CACNA1D: variants seen among roughly 807,000 people sequenced by gnomAD.
CACNA1D encodes voltage-dependent L-type calcium channel subunit alpha-1D.
A neutral mutation model predicts 257.1 loss-of-function variants in CACNA1D; 55 were observed. The ratio of observed to expected loss-of-function variants is 0.21; its 90% CI spans 0.17 to 0.27. The LOEUF (loss-of-function observed/expected upper bound fraction) is 0.27. CACNA1D is among the 10% of genes least tolerant of loss of function. The probability of loss-of-function intolerance (pLI) is 1.00; values close to 1 mark genes in which losing one functional copy is unlikely to be tolerated. For missense variants in CACNA1D, 1,876 were observed against 2,784.0 expected, an observed-to-expected ratio of 0.67 and a Z score of 7.34; for synonymous variants, 980 against 1,014.9, an observed-to-expected ratio of 0.97 and a Z score of 0.65.
intron 9 of CACNA1D, among the ~76,000 whole-genome samples, chr3:53,711,281 G>A (rs2094752267): frequency 6.6e-6 from 1 of 152,174 alleles, no homozygotes; most frequent in Non-Finnish European, 1.5e-5. Context: ...TAGACTTCAG[G>A]GATGCAAAGA....
chr3:53,684,753 A>G (rs2094460680), intron 8 of CACNA1D, among the ~76,000 whole-genome samples: 1 of 152,174 alleles, frequency 6.6e-6, no homozygotes, highest in Non-Finnish European at 1.5e-5. Flanking sequence ...AGGTCAAAGT[A>G]AATTATAGGA....
intron 40 of CACNA1D, chr3:53,797,756 C>G (rs1438799430): frequency 1.3e-5 from 2 of 152,154 alleles, no homozygotes; most frequent in African/African-American, 2.4e-5. Flanking sequence ...AAAAATTATC[C>G]AAATAAATAG....
At chr3:53,506,702 A>T (rs1376523853) in intron 3 of CACNA1D, among the ~76,000 whole-genome samples, 1 of 152,248 alleles carries the variant, frequency 6.6e-6, no homozygotes, top group African/African-American at 2.4e-5. Context: ...TAGTAATGAC[A>T]TCCCAGGAAA....
intron 40 of CACNA1D, chr3:53,791,528 C>A (rs1414860176): frequency 1.3e-5 from 2 of 155,094 alleles, no homozygotes; most frequent in African/African-American, 2.4e-5. Flanking sequence ...GGCCCCTCGG[C>A]GCTGAGCTGA....
chr3:53,750,194 T>C (rs2095213365), intron 27 of CACNA1D, among the ~76,000 whole-genome samples: 1 of 152,204 alleles, frequency 6.6e-6, no homozygotes, highest in South Asian at 2.1e-4. Flanking sequence ...TCGGGTGACG[T>C]GGTGAGGAGA....
intron 29 of CACNA1D, among the ~76,000 whole-genome samples, chr3:53,757,936 CCT>C (rs1393855721): frequency 6.6e-6 from 1 of 152,192 alleles, no homozygotes; most frequent in Admixed American, 6.5e-5. Context: ...TCCATGTCTG[CCT>C]CTCTGTTTGT....
chr3:53,619,519 G>A (rs1490677718), intron 3 of CACNA1D, among the ~76,000 whole-genome samples: 3 of 152,240 alleles, frequency 2.0e-5, no homozygotes, highest in African/African-American at 4.8e-5. Flanking sequence ...TGTCCTCACA[G>A]TGCTGGGAGA....
intron 3 of CACNA1D, among the ~76,000 whole-genome samples, chr3:53,530,784 T>A (rs2091921649): frequency 6.6e-6 from 1 of 152,126 alleles, no homozygotes; most frequent in African/African-American, 2.4e-5. Flanking sequence ...TGGGGACCAT[T>A]TGCCTAAAAT....
chr3:53,543,098 A>G (rs564205971), intron 3 of CACNA1D, among the ~76,000 whole-genome samples: 4 of 150,898 alleles, frequency 2.7e-5, no homozygotes, highest in South Asian at 2.1e-4. Flanking sequence ...AATTAAAAAA[A>G]AAAAAAAGAA....
chr3:53,528,430 T>G (rs570909116), intron 3 of CACNA1D, among the ~76,000 whole-genome samples: 1 of 152,360 alleles, frequency 6.6e-6, no homozygotes, highest in Admixed American at 6.5e-5. Context: ...TTACTGATGC[T>G]TTGTTTTAAG....
intron 3 of CACNA1D, among the ~76,000 whole-genome samples, chr3:53,534,294 C>G (rs992047018): frequency 1.3e-5 from 2 of 152,202 alleles, no homozygotes; most frequent in African/African-American, 4.8e-5. Flanking sequence ...TTCTGTAATT[C>G]AACTGATTGC....
At chr3:53,616,846 A>G (rs2093642718) in intron 3 of CACNA1D, among the ~76,000 whole-genome samples, 1 of 151,592 alleles carries the variant, frequency 6.6e-6, no homozygotes, top group African/African-American at 2.4e-5. Context: ...GGGTTGAGAT[A>G]GGAGGATATG....
At chr3:53,739,621 A>T (rs76643949) in intron 20 of CACNA1D, among the ~76,000 whole-genome samples, 2,047 of 152,048 alleles carry the variant, frequency 0.013, 49 homozygotes, top group African/African-American at 0.045. Context: ...AAGGTTTTTT[A>T]AAAAAAACCC....
intron 37 of CACNA1D, 135 bp from the exon 38 acceptor site, chr3:53,779,891 C>T (rs1294010986): frequency 5.5e-6 from 4 of 733,250 alleles, no homozygotes; most frequent in South Asian, 1.5e-5. Flanking sequence ...TATGCGTACC[C>T]CCAAATGGCT....
In CACNA1D at chr3:53,690,915, C is replaced by T. The variant is rs73090250; in HGVS notation, c.1221-11726C>T. ...TCAAAAGTGTTCATTTTAGGTGGTT[C>T]TGCCACCCTCCCAAGCCAGACTTCA... On this transcript the variant is annotated intron_variant, in intron 8 of 47. Transcript: ENST00000350061. Among the ~76,000 whole-genome samples the T allele has an allele frequency of 9.4e-3, 1,424 of 152,284 alleles. 10 individuals are homozygous for T. The highest frequency in any genetic ancestry group is 0.016 in the Non-Finnish European group (1,057 of 68,014).
At chr3:53,629,048 CT>C (rs2093792039) in intron 3 of CACNA1D, among the ~76,000 whole-genome samples, 1 of 152,182 alleles carries the variant, frequency 6.6e-6, no homozygotes, top group African/African-American at 2.4e-5. Flanking sequence ...ATATTCTAGG[CT>C]TTGTGGGCCG....
At chr3:53,651,038 T>TG (rs1180694028) in intron 4 of CACNA1D, 120 bp downstream of exon 4, 4 of 893,480 alleles carry the variant, frequency 4.5e-6, no homozygotes, top group Non-Finnish European at 1.8e-6. Context: ...TGCCAGCTGT[T>TG]GCACCAGAAC....
chr3:53,691,711 T>TTACAG (rs2094522016), intron 8 of CACNA1D, among the ~76,000 whole-genome samples: 2 of 48,192 alleles, frequency 4.2e-5, no homozygotes, highest in African/African-American at 2.1e-4. Context: ...ACATATATAA[T>TTACAG]ATATATATTA....
At chr3:53,804,618 A>C (rs1192489208) in intron 44 of CACNA1D, among the ~76,000 whole-genome samples, 1 of 152,170 alleles carries the variant, frequency 6.6e-6, no homozygotes, top group African/African-American at 2.4e-5. Flanking sequence ...GGTGGGGCTC[A>C]TGCTTCATGC....
Sources: allele counts gnomAD v4.1 joint callset (sites outside exome capture counted in the v4.1 genomes callset), GRCh38; gene constraint gnomAD v4.1.1; transcripts MANE v1.5; gene names NCBI Gene and HGNC (gene_info 2026-07-23, HGNC 2026-07-21).